FAM171A1: variants seen among roughly 807,000 people sequenced by gnomAD.
FAM171A1 encodes protein FAM171A1.
In FAM171A1, 23 loss-of-function variants were observed where a neutral mutation model predicts 74.9. That is an observed-to-expected ratio of 0.31 (90% CI 0.22 to 0.44). FAM171A1 has a LOEUF of 0.44. Among genes scored for constraint, FAM171A1 ranks in the 20% least tolerant of loss-of-function variants. The probability of loss-of-function intolerance (pLI) is 1.00; values close to 1 mark genes in which losing one functional copy is unlikely to be tolerated. For missense variants in FAM171A1, 1,162 were observed against 1,159.2 expected (o/e 1.00, Z -0.03); for synonymous variants, 527 against 505.7 (o/e 1.04, Z -0.57).
chr10:15,223,478 T>A lies in FAM171A1; in HGVS notation c.755-2418A>T, dbSNP rs1233409377. 2.0e-5 allele frequency among the ~76,000 whole-genome samples: 3 copies of A among 152,218 alleles called. No individual in the cohort carries two copies. In the East Asian group the frequency reaches 5.8e-4, roughly 29 times the overall value. On this transcript the variant is annotated intron_variant, in intron 5 of 7. Coordinates refer to ENST00000378116, the MANE Select transcript of FAM171A1 (RefSeq NM_001010924.2). ...GTTAGGCTAAACGGGACCCAGAGGG[T>A]GAGAGCTGGAAGCAGAGTAAGTCCT...
At chr10:15,262,612 G>A (rs1177161835) in intron 3 of FAM171A1, among the ~76,000 whole-genome samples, 1 of 152,200 alleles carries the variant, frequency 6.6e-6, no homozygotes, top group Non-Finnish European at 1.5e-5. Flanking sequence ...ACAAAAGGGA[G>A]TTTAAAGACA....
intron 1 of FAM171A1, among the ~76,000 whole-genome samples, chr10:15,331,239 A>G (rs1242638269): frequency 6.6e-6 from 1 of 152,200 alleles, no homozygotes; most frequent in Non-Finnish European, 1.5e-5. Context: ...CCTGAAACCT[A>G]GCAACATCCC....
At chr10:15,349,077 T>C (rs4750627) in intron 1 of FAM171A1, among the ~76,000 whole-genome samples, 63,906 of 151,766 alleles carry the variant, frequency 0.42, 13,685 homozygotes, top group Non-Finnish European at 0.49. Flanking sequence ...CCAATCAGAG[T>C]TTTTTCTTTT....
Position 15,213,123 on chromosome 10 carries a change from C to T in FAM171A1, c.2465G>A (p.Arg822Gln), listed in dbSNP as rs778209086. The T allele has an allele frequency of 5.0e-6, 8 of 1,613,832 alleles. No homozygotes were observed. The highest frequency in any genetic ancestry group is 4.4e-5 in the South Asian group (4 of 91,040). Reference protein sequence around the residue: ...ALRCLLEGSSRRSGGQLPSLQ... With the variant: ...ALRCLLEGSSQRSGGQLPSLQ... ...GCTGGGCAGCTGGCCACCACTTCTC[C>T]GACTCGACCCCTCCAACAAGCATCG... Residue 822 changes from arginine (R) to glutamine (Q), a missense_variant, in exon 8 of 8, where the codon CGG becomes CAG. By Grantham distance (43) the Arg-to-Gln change is conservative. Transcript: ENST00000378116. The surrounding 1 kb of genome is among the most constrained non-coding windows in gnomAD (Gnocchi z 6.8).
intron 1 of FAM171A1, among the ~76,000 whole-genome samples, chr10:15,332,485 A>G (rs1293732519): frequency 1.3e-5 from 2 of 152,148 alleles, no homozygotes; most frequent in Admixed American, 6.5e-5. Flanking sequence ...CCATAAAGGG[A>G]CAGGTTCTGG....
At chr10:15,235,325 A>G (rs994224107) in intron 5 of FAM171A1, among the ~76,000 whole-genome samples, 8 of 151,246 alleles carry the variant, frequency 5.3e-5, no homozygotes, top group Non-Finnish European at 1.2e-4. Flanking sequence ...AAAAAAAAAA[A>G]AAAACCTCTG....
At chr10:15,353,577 GTC>G (rs1328297088) in intron 1 of FAM171A1, among the ~76,000 whole-genome samples, 1 of 152,130 alleles carries the variant, frequency 6.6e-6, no homozygotes, top group African/African-American at 2.4e-5. Flanking sequence ...AGAAAACATC[GTC>G]TCTTTTTATA....
intron 2 of FAM171A1, among the ~76,000 whole-genome samples, chr10:15,279,905 C>G (rs1834945631): frequency 6.6e-6 from 1 of 151,450 alleles, no homozygotes; most frequent in Non-Finnish European, 1.5e-5. Flanking sequence ...AAAAATAAAA[C>G]AAAACAAAAC....
intron 1 of FAM171A1, among the ~76,000 whole-genome samples, chr10:15,337,806 C>T (rs1001775938): frequency 6.6e-6 from 1 of 152,154 alleles, no homozygotes; most frequent in African/African-American, 2.4e-5. Context: ...CAAAAGTTAG[C>T]TGGGCGTGGT....
At chr10:15,250,665 T>G (rs548818153) in intron 4 of FAM171A1, among the ~76,000 whole-genome samples, 1 of 152,264 alleles carries the variant, frequency 6.6e-6, no homozygotes, top group East Asian at 1.9e-4. Context: ...GAGGCTGATG[T>G]GGGAGGATCA....
intron 1 of FAM171A1, among the ~76,000 whole-genome samples, chr10:15,370,035 G>A (rs1311658383): frequency 6.6e-6 from 1 of 152,126 alleles, no homozygotes; most frequent in African/African-American, 2.4e-5. Context: ...CCTCGACGCT[G>A]TCCCCACAAA....
chr10:15,348,113 G>T (rs1031046606), intron 1 of FAM171A1, among the ~76,000 whole-genome samples: 14 of 152,104 alleles, frequency 9.2e-5, no homozygotes, highest in African/African-American at 2.9e-4. Flanking sequence ...GAGTAGCTGG[G>T]ATTACAAGCG....
upstream of FAM171A1, among the ~76,000 whole-genome samples, chr10:15,372,601 G>A (rs1836163007): frequency 6.6e-6 from 1 of 151,240 alleles, no homozygotes; most frequent in South Asian, 2.1e-4. Context: ...AGGAGGCTGA[G>A]GTGGGAGGAT....
chr10:15,315,977 G>C (rs1276217119), intron 1 of FAM171A1, among the ~76,000 whole-genome samples: 2 of 152,064 alleles, frequency 1.3e-5, no homozygotes, highest in Non-Finnish European at 2.9e-5. Context: ...ATTTCCCCCA[G>C]GTGTGTTTTT....
intron 3 of FAM171A1, among the ~76,000 whole-genome samples, chr10:15,267,885 C>CTCTAAGA (rs1834767713): frequency 6.6e-6 from 1 of 152,058 alleles, no homozygotes; most frequent in African/African-American, 2.4e-5. Context: ...ACAAACACCT[C>CTCTAAGA]ACAGTGCTGC....
intron 2 of FAM171A1, among the ~76,000 whole-genome samples, chr10:15,283,572 G>A (rs1834996935): frequency 6.6e-6 from 1 of 152,080 alleles, no homozygotes; most frequent in Admixed American, 6.5e-5. Context: ...GAATCTGTAT[G>A]TTTTTATTTA....
intron 1 of FAM171A1, among the ~76,000 whole-genome samples, chr10:15,347,816 C>A (rs1835833407): frequency 8.5e-6 from 1 of 116,990 alleles, no homozygotes; most frequent in Non-Finnish European, 1.6e-5. Context: ...GCCTGGGCAA[C>A]AGAGCGAGAC....
chr10:15,231,646 A>T (rs1266469733), intron 5 of FAM171A1, among the ~76,000 whole-genome samples: 1 of 152,032 alleles, frequency 6.6e-6, no homozygotes, highest in African/African-American at 2.4e-5. Context: ...CACCCGCAAA[A>T]TGCCCTAATG....
At chr10:15,335,089 A>G (rs1835685125) in intron 1 of FAM171A1, among the ~76,000 whole-genome samples, 1 of 152,056 alleles carries the variant, frequency 6.6e-6, no homozygotes, top group Non-Finnish European at 1.5e-5. Context: ...AAAATATACA[A>G]AAATCAGCCA....
Sources: gnomAD v4.1 joint callset for allele counts (sites outside exome capture counted in the v4.1 genomes callset) on GRCh38, gnomAD v4.1.1 for gene constraint, Gnocchi (gnomAD v3.1) non-coding constraint, MANE v1.5 for transcripts, NCBI Gene and HGNC (gene_info 2026-07-23, HGNC 2026-07-21) for gene names.